DRC11: variants seen among roughly 807,000 people sequenced by gnomAD.
The protein encoded by DRC11 is dynein regulatory complex subunit 11, also known as IQ and AAA domain-containing protein 1.
the DRC11 span, among the ~76,000 whole-genome samples, chr2:236,362,856 G>A: frequency 1.6e-4 from 25 of 152,254 alleles, no homozygotes; most frequent in South Asian, 2.7e-3. This position sits in a 1 kb window ranked among gnomAD's most constrained non-coding sequence, Gnocchi z 5.7. Flanking sequence ...GTCCTGAGTC[G>A]CTGCAGTGGG....
At chr2:236,309,833 C>T in the DRC11 span, among the ~76,000 whole-genome samples, 5 of 152,214 alleles carry the variant, frequency 3.3e-5, no homozygotes, top group African/African-American at 7.2e-5. This position sits in a 1 kb window ranked among gnomAD's most constrained non-coding sequence, Gnocchi z 5.7. Flanking sequence ...CAGCTCTCAC[C>T]GTGCTCCTGG....
At chr2:236,363,885 G>A in the DRC11 span, 1 of 1,613,978 alleles carries the variant, frequency 6.2e-7, no homozygotes, top group Non-Finnish European at 8.5e-7. The surrounding 1 kb of genome is among the most constrained non-coding windows in gnomAD (Gnocchi z 5.6). Flanking sequence ...TTTCGGTGCA[G>A]ATGGCATGGA....
the DRC11 span, among the ~76,000 whole-genome samples, chr2:236,392,813 C>T: frequency 1.3e-5 from 2 of 152,278 alleles, no homozygotes; most frequent in Admixed American, 1.3e-4. This position sits in a 1 kb window ranked among gnomAD's most constrained non-coding sequence, Gnocchi z 5.1. Flanking sequence ...TATTACAAAA[C>T]AGACAACACT....
chr2:236,380,453 C>T, the DRC11 span: 9 of 811,542 alleles, frequency 1.1e-5, no homozygotes, highest in Admixed American at 1.5e-4. The surrounding 1 kb of genome is among the most constrained non-coding windows in gnomAD (Gnocchi z 4.9). Flanking sequence ...CCCACCACTC[C>T]GGGACTGTGG....
the DRC11 span, among the ~76,000 whole-genome samples, chr2:236,337,444 G>A: frequency 6.6e-6 from 1 of 152,132 alleles, no homozygotes; most frequent in Non-Finnish European, 1.5e-5. The surrounding 1 kb of genome is among the most constrained non-coding windows in gnomAD (Gnocchi z 4.9). Context: ...GGCCACATGG[G>A]GCCAGGTGCT....
At chr2:236,357,115 A>ATATTTTATATATTCGTATATTATATATC in the DRC11 span, among the ~76,000 whole-genome samples, 313 of 90,998 alleles carry the variant, frequency 3.4e-3, 16 homozygotes, top group African/African-American at 0.011. Context: ...TTATATATCT[A>ATATTTTATATATTCGTATATTATATATC]TATATTATAT....
At chr2:236,502,544 C>A in the DRC11 span, among the ~76,000 whole-genome samples, 1 of 55,720 alleles carries the variant, frequency 1.8e-5, no homozygotes, top group Non-Finnish European at 2.8e-5. Flanking sequence ...CCACTGCACT[C>A]CAGCAAAAAA....
chr2:236,317,254 C>T, the DRC11 span, among the ~76,000 whole-genome samples: 1 of 151,838 alleles, frequency 6.6e-6, no homozygotes, highest in Non-Finnish European at 1.5e-5. This position sits in a 1 kb window ranked among gnomAD's most constrained non-coding sequence, Gnocchi z 5.4. Context: ...TGAGATCGCG[C>T]CACTGCACTC....
the DRC11 span, chr2:236,503,695 G>A: frequency 2.0e-5 from 31 of 1,550,678 alleles, no homozygotes; most frequent in Non-Finnish European, 2.4e-5. The surrounding 1 kb of genome is among the most constrained non-coding windows in gnomAD (Gnocchi z 4.9). Context: ...CCTCGAGACT[G>A]TCTCTGGCTT....
the DRC11 span, among the ~76,000 whole-genome samples, chr2:236,439,788 A>AT: frequency 2.0e-5 from 3 of 152,058 alleles, no homozygotes; most frequent in Admixed American, 6.6e-5. Flanking sequence ...TGATCTTGAC[A>AT]TTTTTTTCCA....
chr2:236,360,582 T>C, the DRC11 span, among the ~76,000 whole-genome samples: 1 of 152,330 alleles, frequency 6.6e-6, no homozygotes, highest in South Asian at 2.1e-4. This position sits in a 1 kb window ranked among gnomAD's most constrained non-coding sequence, Gnocchi z 5.8. Context: ...ACTTGGTAGT[T>C]AAGCACATGG....
At chr2:236,352,865 C>G in the DRC11 span, among the ~76,000 whole-genome samples, 1 of 152,152 alleles carries the variant, frequency 6.6e-6, no homozygotes, top group South Asian at 2.1e-4. This position sits in a 1 kb window ranked among gnomAD's most constrained non-coding sequence, Gnocchi z 7.0. Context: ...TTTAGGGCAC[C>G]TGGCTGAGAA....
chr2:236,338,394 A>G, the DRC11 span: 2 of 1,480,188 alleles, frequency 1.4e-6, no homozygotes, highest in Non-Finnish European at 1.8e-6. Context: ...TGGGAGAGAG[A>G]AAAAAAAATT....
the DRC11 span, among the ~76,000 whole-genome samples, chr2:236,338,950 C>A: frequency 6.6e-6 from 1 of 152,198 alleles, no homozygotes; most frequent in Non-Finnish European, 1.5e-5. Context: ...CTGTTCAGCA[C>A]CCCAGGGAGG....
At chr2:236,320,251 C>T in the DRC11 span, among the ~76,000 whole-genome samples, 1 of 152,194 alleles carries the variant, frequency 6.6e-6, no homozygotes, top group African/African-American at 2.4e-5. Flanking sequence ...TGGTTTACAG[C>T]CCACAGTCTT....
At chr2:236,440,099 T>C in the DRC11 span, among the ~76,000 whole-genome samples, 3 of 152,182 alleles carry the variant, frequency 2.0e-5, no homozygotes, top group East Asian at 1.9e-4. Context: ...TCTTGAGAAG[T>C]TGACAGGCTA....
chr2:236,470,921 G>A, the DRC11 span, among the ~76,000 whole-genome samples: 1 of 152,128 alleles, frequency 6.6e-6, no homozygotes, highest in African/African-American at 2.4e-5. The surrounding 1 kb of genome is among the most constrained non-coding windows in gnomAD (Gnocchi z 5.1). Flanking sequence ...TAGGAACTGG[G>A]TTATAAGAGG....
chr2:236,436,803 A>T, the DRC11 span, among the ~76,000 whole-genome samples: 1 of 152,104 alleles, frequency 6.6e-6, no homozygotes, highest in Non-Finnish European at 1.5e-5. Flanking sequence ...GGCACAGAAT[A>T]TTTGTCCAAC....
At chr2:236,409,646 T>C in the DRC11 span, among the ~76,000 whole-genome samples, 1 of 152,070 alleles carries the variant, frequency 6.6e-6, no homozygotes, top group East Asian at 1.9e-4. Flanking sequence ...CAATACTATG[T>C]TGAATAGGAG....
Sources: allele counts gnomAD v4.1 joint callset (sites outside exome capture counted in the v4.1 genomes callset), GRCh38; gene constraint gnomAD v4.1.1; non-coding constraint Gnocchi (gnomAD v3.1); transcripts MANE v1.5; gene names NCBI Gene and HGNC (gene_info 2026-07-23, HGNC 2026-07-21).